ZNF610: variants seen among roughly 807,000 people sequenced by gnomAD.
ZNF610 encodes zinc finger protein 610.
Under a neutral mutation model 14.1 loss-of-function variants are expected in ZNF610, and 14 were observed. The ratio of observed to expected loss-of-function variants is 0.99; its 90% CI spans 0.65 to 1.55. The LOEUF is 1.55. Ranked by LOEUF, ZNF610 falls within the 40% of genes most tolerant of loss-of-function variation. ZNF610 has a pLI of 0.00. For missense variants in ZNF610, 530 were observed against 558.0 expected (o/e 0.95, Z 0.51); for synonymous variants, 185 against 187.6 (o/e 0.99, Z 0.11).
At chr19:52,360,972 T>C (rs1178794712) in intron 5 of ZNF610, among the ~76,000 whole-genome samples, 1 of 152,192 alleles carries the variant, frequency 6.6e-6, no homozygotes, top group Non-Finnish European at 1.5e-5. Flanking sequence ...GTGTTGGTGT[T>C]AAATCCTTTT....
rs769095649 is a variant in ZNF610, at chr19:52,353,826, C to T, written c.190+18C>T. On this transcript the variant is annotated intron_variant, in intron 4 of 5. Transcript: ENST00000403906. ...CTTTCTGGGTGAGGATGACTTCCCT[C>T]CAGAAGCCGGGATCTGCTCTAATCT... The T allele has an allele frequency of 2.5e-6, 4 of 1,604,520 alleles. No individual in the cohort carries two copies. The highest frequency in any genetic ancestry group is 2.2e-5 in the South Asian group (2 of 89,192).
intron 5 of ZNF610, among the ~76,000 whole-genome samples, chr19:52,356,471 T>A (rs1985527583): frequency 6.6e-6 from 1 of 152,250 alleles, no homozygotes; most frequent in African/African-American, 2.4e-5. Context: ...AGCAGTTCCA[T>A]ATTTCATATA....
intron 3 of ZNF610, among the ~76,000 whole-genome samples, chr19:52,351,915 A>G (rs1270530208): frequency 6.6e-6 from 1 of 151,940 alleles, no homozygotes; most frequent in African/African-American, 2.4e-5. Context: ...GTGTTCATGC[A>G]TTTTCCCACT....
Position 52,353,723 on chromosome 19 carries a change from G to A in ZNF610, c.105G>A (p.Gln35=), listed in dbSNP as rs533892456. 1 of 1,614,020 alleles carries A rather than the reference G, an allele frequency of 6.2e-7. No individual in the cohort carries two copies. Among genetic ancestry groups the A allele is most frequent in the South Asian group, 1.1e-5 (1 of 91,072 alleles). ...TFMDVAIEFS[Q]EEWKSLDPGQ... ...TGGACGTGGCCATCGAATTCTCTCA[G>A]GAGGAGTGGAAATCCCTGGACCCTG... Residue 35 remains glutamine (Q), a synonymous_variant, in exon 4 of 6, where the codon CAG becomes CAA. Transcript: ENST00000403906.
chr19:52,336,868 A>G (rs538537673), intron 1 of ZNF610, among the ~76,000 whole-genome samples: 75 of 152,198 alleles, frequency 4.9e-4, no homozygotes, highest in Non-Finnish European at 5.7e-4. Flanking sequence ...TCTTCGTCCC[A>G]AATTCCATCC....
chr19:52,335,305 C>T (rs1984326644), upstream of ZNF610, among the ~76,000 whole-genome samples: 1 of 152,120 alleles, frequency 6.6e-6, no homozygotes, highest in South Asian at 2.1e-4. Context: ...TTGGTGGTGG[C>T]CTAACATCCC....
chr19:52,349,573 ATTT>A (rs909735950), intron 3 of ZNF610, among the ~76,000 whole-genome samples: 3 of 132,700 alleles, frequency 2.3e-5, no homozygotes, highest in Non-Finnish European at 1.6e-5. Flanking sequence ...GAAGTCACGT[ATTT>A]TTTTTTTTTT....
upstream of ZNF610, among the ~76,000 whole-genome samples, chr19:52,334,960 A>G (rs2434419): frequency 3.5e-3 from 477 of 136,346 alleles, 4 homozygotes; most frequent in Middle Eastern, 8.0e-3. Flanking sequence ...CACACACACA[A>G]TGTAATTTAC....
At chr19:52,338,895 G>A (rs767152644) in intron 1 of ZNF610, among the ~76,000 whole-genome samples, 2 of 149,116 alleles carry the variant, frequency 1.3e-5, no homozygotes, top group Non-Finnish European at 3.0e-5. Flanking sequence ...TGGGCCCAGG[G>A]GACCGGCGCT....
intron 3 of ZNF610, among the ~76,000 whole-genome samples, chr19:52,350,983 A>C (rs910495300): frequency 6.6e-6 from 1 of 151,902 alleles, no homozygotes; most frequent in Admixed American, 6.6e-5. Flanking sequence ...CTTGGAAACA[A>C]GAGCAAAACT....
chr19:52,340,829 C>T (rs1267843462), intron 1 of ZNF610, among the ~76,000 whole-genome samples: 7 of 152,054 alleles, frequency 4.6e-5, no homozygotes, highest in South Asian at 2.1e-4. Flanking sequence ...TACAGGCACA[C>T]GCCACCACGC....
chr19:52,349,107 G>T (rs1487900202), intron 2 of ZNF610, 47 bp from the exon 3 acceptor site: 9 of 1,395,014 alleles, frequency 6.5e-6, no homozygotes, highest in South Asian at 3.6e-5. Context: ...CATAGGGAGG[G>T]GAATGTGTTG....
intron 3 of ZNF610, among the ~76,000 whole-genome samples, chr19:52,352,112 C>T (rs1306119119): frequency 2.0e-5 from 3 of 152,182 alleles, no homozygotes; most frequent in African/African-American, 7.2e-5. Context: ...TTGCGAATTT[C>T]TTACACAGGT....
intron 1 of ZNF610, among the ~76,000 whole-genome samples, chr19:52,340,649 C>T (rs1191377868): frequency 6.8e-6 from 1 of 147,536 alleles, no homozygotes; most frequent in Non-Finnish European, 1.5e-5. Flanking sequence ...TCTATGGTGT[C>T]GTTAATTTTT....
intron 1 of ZNF610, among the ~76,000 whole-genome samples, chr19:52,343,579 A>G (rs1045326192): frequency 3.3e-5 from 5 of 151,534 alleles, no homozygotes; most frequent in African/African-American, 1.2e-4. Context: ...AAAAAAATGT[A>G]TTTGCTCAGT....
At chr19:52,348,493 C>CT (rs1032067967) in intron 2 of ZNF610, among the ~76,000 whole-genome samples, 33 of 151,704 alleles carry the variant, frequency 2.2e-4, no homozygotes, top group East Asian at 1.7e-3. Flanking sequence ...AGTGTAGACT[C>CT]TATCTGCTCA....
intron 1 of ZNF610, among the ~76,000 whole-genome samples, chr19:52,341,895 C>T (rs778069943): frequency 1.1e-4 from 17 of 152,178 alleles, no homozygotes; most frequent in Non-Finnish European, 2.1e-4. Flanking sequence ...ACTGCAACCT[C>T]GACGTCCTGG....
At chr19:52,362,025 A>G (rs62108309) in intron 5 of ZNF610, among the ~76,000 whole-genome samples, 26,949 of 152,118 alleles carry the variant, frequency 0.18, 2,649 homozygotes, top group East Asian at 0.25. Context: ...GGCTAAGGTG[A>G]TTCTCTTATC....
At chr19:52,340,188 G>C (rs139565268) in intron 1 of ZNF610, among the ~76,000 whole-genome samples, 322 of 152,288 alleles carry the variant, frequency 2.1e-3, no homozygotes, top group African/African-American at 7.6e-3. Context: ...ATCACTTGAG[G>C]TCAGGAGTTC....
Sources: gnomAD v4.1 joint callset for allele counts (sites outside exome capture counted in the v4.1 genomes callset) on GRCh38, gnomAD v4.1.1 for gene constraint, MANE v1.5 for transcripts, NCBI Gene and HGNC (gene_info 2026-07-23, HGNC 2026-07-21) for gene names.